FGFR2: variants seen among roughly 807,000 people sequenced by gnomAD.
The protein encoded by FGFR2 is BEK fibroblast growth factor receptor.
In FGFR2, 19 loss-of-function variants were observed where a neutral mutation model predicts 95.9. The ratio of observed to expected loss-of-function variants is 0.20; its 90% CI spans 0.14 to 0.29. The LOEUF (loss-of-function observed/expected upper bound fraction) is 0.29. Ranked by LOEUF, FGFR2 falls within the 10% of genes least tolerant of loss-of-function variation. The pLI is 1.00. For missense variants in FGFR2, 707 were observed against 1,056.9 expected (o/e 0.67, Z 4.59); for synonymous variants, 392 against 393.3 (o/e 1.00, Z 0.04).
At chr10:121,524,582 C>G (rs543776219) in intron 6 of FGFR2, among the ~76,000 whole-genome samples, 2 of 152,206 alleles carry the variant, frequency 1.3e-5, no homozygotes, top group Non-Finnish European at 2.9e-5. Context: ...CTCCTCCTCT[C>G]GAACCCTTCA....
At chr10:121,530,089 T>G (rs994556977) in intron 6 of FGFR2, among the ~76,000 whole-genome samples, 9 of 152,122 alleles carry the variant, frequency 5.9e-5, no homozygotes, top group Non-Finnish European at 1.3e-4. Flanking sequence ...CCAGCTATCA[T>G]GAAAGACGCA....
chr10:121,549,210 CT>C (rs1821305411), intron 5 of FGFR2, among the ~76,000 whole-genome samples: 1 of 152,156 alleles, frequency 6.6e-6, no homozygotes, highest in Admixed American at 6.5e-5. Flanking sequence ...AAGGCAAAAA[CT>C]TTTGCAGAAG....
chr10:121,492,343 C>CA (rs1341071816), intron 13 of FGFR2, among the ~76,000 whole-genome samples: 5 of 152,154 alleles, frequency 3.3e-5, no homozygotes, highest in Non-Finnish European at 1.5e-5. Context: ...TTGCTATATA[C>CA]ACCATGGTGT....
chr10:121,561,364 C>G (rs574013285), intron 4 of FGFR2, among the ~76,000 whole-genome samples: 1 of 145,172 alleles, frequency 6.9e-6, no homozygotes, highest in African/African-American at 2.5e-5. Context: ...GCAGGGGCTG[C>G]GGTGAGCTGA....
chr10:121,514,309 G>C (rs1416175389), intron 9 of FGFR2, among the ~76,000 whole-genome samples: 6 of 152,152 alleles, frequency 3.9e-5, no homozygotes, highest in Non-Finnish European at 4.4e-5. Flanking sequence ...GCAGAAAAGA[G>C]CTGAGGCATT....
At chr10:121,540,618 T>A (rs1003785488) in intron 5 of FGFR2, among the ~76,000 whole-genome samples, 1 of 152,140 alleles carries the variant, frequency 6.6e-6, no homozygotes, top group Non-Finnish European at 1.5e-5. Context: ...TCCCTTCACC[T>A]CAAGCTCTCA....
rs41294345 is a variant in FGFR2, at chr10:121,480,568, G to T, written c.2302-547C>A. On this transcript the variant is annotated intron_variant, in intron 17 of 17. Transcript: ENST00000358487. The stretch of plus-strand genomic sequence containing the variant: ...ATTGTAGTTTCGGGGATAATTGAAG[G>T]GGAATACTTCTTCATTCAGTGGGTA... The T allele has an allele frequency of 3.5e-3, 791 of 224,622 alleles. 12 individuals are homozygous for T. The highest frequency in any genetic ancestry group is 0.022 in the East Asian group (333 of 14,876). The allele number at this position is 224,622 out of a possible 1,614,324, so 13.9% of individuals were successfully genotyped here. A position where few individuals can be genotyped will look rare whatever the true frequency, so the allele number is the denominator to read the frequency against.
Position 121,502,793 on chromosome 10 carries a change from C to T in FGFR2, c.1439+997G>A, listed in dbSNP as rs553349970. ...ACCTTCCCGTACTCTCAAGCTGTGACGACAAAAAGTACCCCAGAAGTGAGT... is the reference window on the plus strand; with the variant it reads ...ACCTTCCCGTACTCTCAAGCTGTGATGACAAAAAGTACCCCAGAAGTGAGT... On this transcript the variant is annotated intron_variant, in intron 10 of 17. Transcript: ENST00000358487. Among the ~76,000 whole-genome samples, 37 of 152,208 alleles carry T rather than the reference C, an allele frequency of 2.4e-4. No homozygotes were observed. The South Asian group carries it at 6.7e-3, about 27-fold the overall frequency.
At chr10:121,506,357 C>CAAA (rs10678814) in intron 9 of FGFR2, among the ~76,000 whole-genome samples, 3,073 of 100,534 alleles carry the variant, frequency 0.031, 139 homozygotes, top group Non-Finnish European at 0.036. Flanking sequence ...GACTCCGTCT[C>CAAA]AAAAAAAAAA....
chr10:121,574,825 C>T (rs1218310672), intron 2 of FGFR2, among the ~76,000 whole-genome samples: 2 of 152,224 alleles, frequency 1.3e-5, no homozygotes, highest in Non-Finnish European at 2.9e-5. Flanking sequence ...AAGTTCTCTA[C>T]CTCGAGAAAT....
intron 4 of FGFR2, among the ~76,000 whole-genome samples, 189 bp from the exon 5 acceptor site, chr10:121,551,648 A>G (rs534974989): frequency 7.2e-5 from 11 of 152,160 alleles, no homozygotes; most frequent in Non-Finnish European, 1.5e-4. Context: ...AAGGTCCCAG[A>G]GAGGGATGGT....
At chr10:121,594,969 C>T (rs2135501190) in intron 1 of FGFR2, among the ~76,000 whole-genome samples, 1 of 152,204 alleles carries the variant, frequency 6.6e-6, no homozygotes, top group Admixed American at 6.5e-5. Context: ...AGAGAATTTT[C>T]CAAGAAAGCT....
chr10:121,565,584 A>T lies in FGFR2; in HGVS notation c.230T>A (p.Val77Glu), dbSNP rs1376151869. 6.2e-7 allele frequency: 1 copy of T among 1,614,030 alleles called. No homozygotes were observed. Among genetic ancestry groups the T allele is most frequent in the Non-Finnish European group, 8.5e-7 (1 of 1,180,042 alleles). The change falls in exon 3 of 18, where the codon GTG becomes GAG. Residue 77 changes from valine to glutamate, a missense_variant. Around this residue, in one of 7 missense-constraint regions of FGFR2, gnomAD observed 178 missense variants for 194.1 expected, o/e 0.92. Transcript: ENST00000358487. The stretch of plus-strand genomic sequence containing the variant: ...TGTCCTATTGTTGGGCCCCAAGTGC[A>T]CCCCATCCTTAGTCCAACTGATCAC... ...AAVISWTKDG[V>E]HLGPNNRTVL... is the part of the protein sequence containing the mutation.
intron 17 of FGFR2, chr10:121,481,686 T>A (rs1370955352): frequency 4.4e-6 from 1 of 227,510 alleles, no homozygotes; most frequent in East Asian, 6.3e-5. Context: ...CAATATGGCA[T>A]TCTGCTTTTT....
chr10:121,594,193 C>G (rs963341963), intron 1 of FGFR2: 1 of 441,282 alleles, frequency 2.3e-6, no homozygotes, highest in Admixed American at 3.7e-5. Flanking sequence ...TTTTAAGAAA[C>G]AGAGATAAAA....
rs1379873913 is a variant in FGFR2, at chr10:121,518,692, T to C, written c.940-1229A>G. 1 of 1,614,254 alleles carries C rather than the reference T, an allele frequency of 6.2e-7. No individual in the cohort carries two copies. The highest frequency in any genetic ancestry group is 8.5e-7 in the Non-Finnish European group (1 of 1,180,046). On this transcript the variant is annotated intron_variant, in intron 7 of 17. Transcript: ENST00000358487. The surrounding 1 kb of genome is among the most constrained non-coding windows in gnomAD (Gnocchi z 4.0). ...TGAAAGCATTGTTACCTTGCTGTTT[T>C]GGCAGGACAGTGAGCCAGGCAGACT...
intron 5 of FGFR2, among the ~76,000 whole-genome samples, chr10:121,545,981 T>C (rs1016116186): frequency 6.6e-6 from 1 of 152,142 alleles, no homozygotes; most frequent in African/African-American, 2.4e-5. Flanking sequence ...TGTCCTGCGA[T>C]CTCTCTTGGT....
chr10:121,520,845 G>A (rs1850437625), intron 6 of FGFR2, among the ~76,000 whole-genome samples: 1 of 152,156 alleles, frequency 6.6e-6, no homozygotes, highest in Admixed American at 6.5e-5. Context: ...ATTTCATCAT[G>A]TTGCCTGGGC....
intron 2 of FGFR2, among the ~76,000 whole-genome samples, chr10:121,569,246 A>C (rs1858208014): frequency 7.1e-6 from 1 of 141,262 alleles, no homozygotes; most frequent in Admixed American, 7.4e-5. Flanking sequence ...TTTGAGACAG[A>C]GTCTTGCTCT....
Sources: allele counts gnomAD v4.1 joint callset (sites outside exome capture counted in the v4.1 genomes callset), GRCh38; gene constraint gnomAD v4.1.1; regional missense constraint gnomAD v4.1.1; non-coding constraint Gnocchi (gnomAD v3.1); transcripts MANE v1.5; gene names NCBI Gene and HGNC (gene_info 2026-07-23, HGNC 2026-07-21).